The following CREB3L2 variants were observed in gnomAD, a reference collection of about 807,000 sequenced individuals.
CREB3L2 encodes cyclic AMP-responsive element-binding protein 3-like protein 2.
In CREB3L2, 23 loss-of-function variants were observed where a neutral mutation model predicts 57.2. That is an observed-to-expected ratio of 0.40 (90% CI 0.29 to 0.57). CREB3L2 has a LOEUF of 0.57. CREB3L2 is among the 20% of genes least tolerant of loss of function. The pLI is 0.42. For missense variants in CREB3L2, 628 were observed against 634.7 expected (o/e 0.99, Z 0.11); for synonymous variants, 268 against 265.1 (o/e 1.01, Z -0.11).
In CREB3L2 at chr7:137,912,815, C is replaced by T. The variant is rs1340733407; in HGVS notation, c.583+176G>A. ...GCATATATGGGAAAATAATAGTTAG[C>T]TTGCAAAATTTTTATTTGGAAGCAA... On this transcript the variant is annotated intron_variant, in intron 4 of 11. Transcript: ENST00000330387. The T allele has an allele frequency of 8.6e-6, 13 of 1,508,498 alleles. No individual in the cohort carries two copies. In the Admixed American group the frequency reaches 2.6e-4, roughly 30 times the overall value. The allele number at this position is 1,508,498 out of a possible 1,614,324, so 93.4% of individuals were successfully genotyped here.
At chr7:137,987,855 C>CT (rs896816364) in intron 1 of CREB3L2, among the ~76,000 whole-genome samples, 2 of 152,118 alleles carry the variant, frequency 1.3e-5, no homozygotes, top group African/African-American at 4.8e-5. Context: ...CTTTCTCTAC[C>CT]TTTTTTAAAA....
rs192587742 is a variant in CREB3L2 at position 137,993,580 on chromosome 7, C to T, written c.102+8024G>A. Among the ~76,000 whole-genome samples the T allele has an allele frequency of 1.4e-3, 220 of 152,294 alleles. 2 individuals are homozygous for T. The highest frequency in any genetic ancestry group is 4.9e-3 in the African/African-American group (205 of 41,554). ...TGTTGCCCAGTCCGGAGTATAGAGG[C>T]GTGATCACAGCTCACTGTAAACTCA... On this transcript the variant is annotated intron_variant, in intron 1 of 11. Coordinates refer to ENST00000330387, the MANE Select transcript of CREB3L2 (RefSeq NM_194071.4).
intron 1 of CREB3L2, among the ~76,000 whole-genome samples, chr7:137,933,107 C>T (rs1457526885): frequency 2.0e-5 from 3 of 152,222 alleles, no homozygotes; most frequent in African/African-American, 7.2e-5. Context: ...TTAAGTAGCT[C>T]CCCAAGGACA....
intron 1 of CREB3L2, among the ~76,000 whole-genome samples, chr7:137,994,621 G>A (rs1227922288): frequency 6.6e-6 from 1 of 152,064 alleles, no homozygotes; most frequent in East Asian, 1.9e-4. Context: ...TCTTTCACTG[G>A]GCATTGGTAG....
intron 1 of CREB3L2, among the ~76,000 whole-genome samples, chr7:137,981,534 C>T (rs1801711514): frequency 6.6e-6 from 1 of 152,122 alleles, no homozygotes; most frequent in South Asian, 2.1e-4. Context: ...AGAAAACAGT[C>T]CAGACCCCAC....
intron 1 of CREB3L2, among the ~76,000 whole-genome samples, chr7:137,990,901 T>C (rs1439213140): frequency 1.3e-5 from 2 of 152,192 alleles, no homozygotes; most frequent in African/African-American, 4.8e-5. Context: ...TGCAGATTTT[T>C]TTTTCCCCAG....
intron 8 of CREB3L2, 90 bp from the exon 9 acceptor site, chr7:137,885,592 C>G (rs992766924): frequency 4.0e-6 from 4 of 988,506 alleles, no homozygotes; most frequent in Non-Finnish European, 6.4e-6. Flanking sequence ...GCCGCCGTGC[C>G]TTTGTGCCTG....
intron 1 of CREB3L2, among the ~76,000 whole-genome samples, chr7:137,931,468 G>C (rs273976): frequency 0.44 from 64,843 of 148,430 alleles, 15,065 homozygotes; most frequent in East Asian, 0.78. Context: ...CTTGCAGTGA[G>C]CCAGGATCAC....
chr7:137,938,239 G>A (rs1401949415), intron 1 of CREB3L2, among the ~76,000 whole-genome samples: 1 of 152,210 alleles, frequency 6.6e-6, no homozygotes, highest in South Asian at 2.1e-4. Flanking sequence ...GATGTTGACA[G>A]TGGCGGAGGC....
intron 1 of CREB3L2, among the ~76,000 whole-genome samples, chr7:137,936,971 G>A (rs1800797886): frequency 6.6e-6 from 1 of 152,198 alleles, no homozygotes; most frequent in African/African-American, 2.4e-5. Flanking sequence ...GGGCAGTGAA[G>A]CAGGTGGCCA....
intron 1 of CREB3L2, among the ~76,000 whole-genome samples, chr7:137,968,888 G>A (rs1342647529): frequency 2.0e-5 from 3 of 152,176 alleles, no homozygotes; most frequent in African/African-American, 4.8e-5. Context: ...TGTGTCCTAG[G>A]GGGTTGGAGA....
At chr7:137,903,879 G>A in intron 7 of CREB3L2, 80 bp downstream of exon 7, 2 of 1,238,442 alleles carry the variant, frequency 1.6e-6, no homozygotes, top group Non-Finnish European at 2.4e-6. Flanking sequence ...GAATTGAACT[G>A]CTTCTCCCCG....
At chr7:137,946,794 T>TTATATATAGTTA (rs757679971) in intron 1 of CREB3L2, among the ~76,000 whole-genome samples, 4,755 of 41,050 alleles carry the variant, frequency 0.12, 958 homozygotes, top group East Asian at 0.33. Flanking sequence ...ATCTATATAG[T>TTATATATAGTTA]TATATATAGT....
At chr7:137,904,842 A>AG in intron 6 of CREB3L2, among the ~76,000 whole-genome samples, 1 of 142,724 alleles carries the variant, frequency 7.0e-6, no homozygotes. Context: ...CTGTATGAAA[A>AG]AAAAAAAAAA....
chr7:137,937,168 T>C (rs1800802065), intron 1 of CREB3L2, among the ~76,000 whole-genome samples: 1 of 152,172 alleles, frequency 6.6e-6, no homozygotes, highest in Non-Finnish European at 1.5e-5. Context: ...GAAGCCTCTG[T>C]ACTTAAAAAT....
At chr7:137,898,473 T>TG (rs1563243621) in intron 8 of CREB3L2, among the ~76,000 whole-genome samples, 1 of 152,228 alleles carries the variant, frequency 6.6e-6, no homozygotes, top group African/African-American at 2.4e-5. Context: ...TCATTAACGA[T>TG]GAAGAGTCTT....
chr7:137,952,981 T>A (rs1335420576), intron 1 of CREB3L2, among the ~76,000 whole-genome samples: 5 of 152,122 alleles, frequency 3.3e-5, no homozygotes, highest in Non-Finnish European at 5.9e-5. Flanking sequence ...CACGCCTGGA[T>A]AATTTTTGTA....
At chr7:137,909,611 A>G (rs1444483308) in intron 4 of CREB3L2, among the ~76,000 whole-genome samples, 1 of 152,108 alleles carries the variant, frequency 6.6e-6, no homozygotes, top group Non-Finnish European at 1.5e-5. Context: ...TCGGCCAGAG[A>G]ACTAACTGCT....
At chr7:137,964,029 T>C (rs973567256) in intron 1 of CREB3L2, among the ~76,000 whole-genome samples, 4 of 152,204 alleles carry the variant, frequency 2.6e-5, no homozygotes, top group African/African-American at 9.6e-5. Flanking sequence ...AAAGAAACAC[T>C]TGCGGCCAGG....
Sources: allele counts gnomAD v4.1 joint callset (sites outside exome capture counted in the v4.1 genomes callset), GRCh38; gene constraint gnomAD v4.1.1; transcripts MANE v1.5; gene names NCBI Gene and HGNC (gene_info 2026-07-23, HGNC 2026-07-21).